PRKN: variants seen among roughly 807,000 people sequenced by gnomAD.
PRKN encodes the protein parkin RBR E3 ubiquitin protein ligase.
A neutral mutation model predicts 59.5 loss-of-function variants in PRKN; 56 were observed. The observed-to-expected ratio is 0.94, with a 90% CI of 0.76 to 1.18. The LOEUF is 1.18. Among genes scored for constraint, PRKN ranks in the 50% most tolerant of loss-of-function variants. The probability of loss-of-function intolerance (pLI) is 0.00; values close to 1 mark genes in which losing one functional copy is unlikely to be tolerated. For synonymous variants in PRKN, 250 were observed against 222.1 expected (o/e 1.13, Z -1.12); for missense variants, 657 against 596.4 (o/e 1.10, Z -1.06).
intron 1 of PRKN, chr6:162,568,500 G>A (rs1018621968): frequency 7.3e-5 from 50 of 687,456 alleles, no homozygotes; most frequent in Admixed American, 2.2e-4. Flanking sequence ...CATCACCGCC[G>A]TTGTGGTCAA....
In PRKN at chr6:161,588,469, T is replaced by C. The variant is rs2128140046; in HGVS notation, c.872-19053A>G. On this transcript the variant is annotated intron_variant, in intron 7 of 11. Coordinates refer to ENST00000366898, the MANE Select transcript of PRKN (RefSeq NM_004562.3). This position sits in a 1 kb window ranked among gnomAD's most constrained non-coding sequence, Gnocchi z 5.0. ...CTGTGCCTCATTCAGTAAAAGGCTA[T>C]GAAGCAATTTAAGGATATTTGCAAC... is the stretch of plus-strand genomic sequence containing the variant. Among the ~76,000 whole-genome samples the C allele has an allele frequency of 6.6e-6, 1 of 152,272 alleles. No individual in the cohort carries two copies. Among genetic ancestry groups the C allele is most frequent in the East Asian group, 1.9e-4 (1 of 5,184 alleles).
chr6:162,616,584 T>C lies in PRKN; in HGVS notation c.7+111078A>G, dbSNP rs768721918. On this transcript the variant is annotated intron_variant, in intron 1 of 11. Transcript: ENST00000366898. ...AGTTTTTACACTGAAACTGTATCCT[T>C]CTTGTATTATAAAGGTGAAATGGTA... Among the ~76,000 whole-genome samples, 6 of 152,316 alleles carry C rather than the reference T, an allele frequency of 3.9e-5. No individual in the cohort carries two copies. The East Asian group carries it at 1.2e-3, about 29-fold the overall frequency.
At position 161,377,555 on chromosome 6, in the gene PRKN, C is replaced by A. The variant is rs886750331; in HGVS notation, c.1167+9239G>T. Among the ~76,000 whole-genome samples the A allele has an allele frequency of 6.6e-6, 1 of 152,164 alleles. No homozygotes were observed. The highest frequency in any genetic ancestry group is 1.5e-5 in the Non-Finnish European group (1 of 68,016). On this transcript the variant is annotated intron_variant, in intron 10 of 11. Transcript: ENST00000366898. The surrounding 1 kb of genome is among the most constrained non-coding windows in gnomAD (Gnocchi z 4.2). ...GGGTTGAAAGAGTGGTGAGGGGAGACCCTGTCAATAAGCAGAGCCTTGGGC... is the reference window on the plus strand; with the variant it reads ...GGGTTGAAAGAGTGGTGAGGGGAGAACCTGTCAATAAGCAGAGCCTTGGGC...
At chr6:161,682,869 GC>G (rs1785420842) in intron 7 of PRKN, among the ~76,000 whole-genome samples, 1 of 152,126 alleles carries the variant, frequency 6.6e-6, no homozygotes, top group African/African-American at 2.4e-5. Flanking sequence ...CCCCAGCAAA[GC>G]CCTGAGCTGC....
intron 6 of PRKN, among the ~76,000 whole-genome samples, chr6:161,928,866 A>G (rs952158140): frequency 6.6e-6 from 1 of 152,162 alleles, no homozygotes; most frequent in Non-Finnish European, 1.5e-5. Flanking sequence ...GACTCATGAG[A>G]GCATTTCTTA....
At chr6:162,314,835 G>A (rs1380466138) in intron 2 of PRKN, among the ~76,000 whole-genome samples, 3 of 152,082 alleles carry the variant, frequency 2.0e-5, no homozygotes, top group African/African-American at 2.4e-5. Context: ...TTCTACTCTT[G>A]CCACACTGTT....
intron 4 of PRKN, among the ~76,000 whole-genome samples, chr6:162,152,067 C>G (rs1363667210): frequency 6.6e-6 from 1 of 152,144 alleles, no homozygotes; most frequent in Non-Finnish European, 1.5e-5. Flanking sequence ...TAACAAAGGT[C>G]ACTTTTTACT....
At chr6:162,298,843 A>C (rs1781813197) in intron 2 of PRKN, among the ~76,000 whole-genome samples, 1 of 152,066 alleles carries the variant, frequency 6.6e-6, no homozygotes, top group South Asian at 2.1e-4. Flanking sequence ...AGCCAGGTGG[A>C]GGAGGGGAGG....
rs930106896 is a variant in PRKN, at chr6:161,360,452, A to G, written c.1168-247T>C. 3.9e-5 allele frequency among the ~76,000 whole-genome samples: 6 copies of G among 152,202 alleles called. No individual in the cohort carries two copies. The highest frequency in any genetic ancestry group is 1.4e-4 in the African/African-American group (6 of 41,454). On this transcript the variant is annotated intron_variant, in intron 10 of 11. Transcript: ENST00000366898. The surrounding 1 kb of genome is among the most constrained non-coding windows in gnomAD (Gnocchi z 5.1). ...TTGGTTTTGTAGTGTGAGCTCCTCT[A>G]TTCTGTTGTTTTGCATAATTGTAAT...
chr6:161,735,669 C>T (rs771859066), intron 7 of PRKN, among the ~76,000 whole-genome samples: 14 of 151,834 alleles, frequency 9.2e-5, no homozygotes, highest in Non-Finnish European at 1.6e-4. Context: ...GTAATCCCAG[C>T]ACCTCGGGAG....
In PRKN at chr6:161,638,045, A is replaced by G. The variant is rs189009677; in HGVS notation, c.872-68629T>C. On this transcript the variant is annotated intron_variant, in intron 7 of 11. Transcript: ENST00000366898. Reference sequence around the variant, plus strand: ...GGGCCAGGGTATTTTTTTTCAGTCCAAGGACAAACAATGCCTCCCACCATC... The same window carrying G: ...GGGCCAGGGTATTTTTTTTCAGTCCGAGGACAAACAATGCCTCCCACCATC... Among the ~76,000 whole-genome samples the G allele has an allele frequency of 3.2e-3, 489 of 152,142 alleles. 5 individuals are homozygous for G. The highest frequency in any genetic ancestry group is 0.011 in the African/African-American group (466 of 41,514).
chr6:162,045,973 T>A (rs1415454032), intron 5 of PRKN, among the ~76,000 whole-genome samples: 1 of 152,236 alleles, frequency 6.6e-6, no homozygotes. Flanking sequence ...GTATTTAATC[T>A]TTCTTTGCTC....
intron 6 of PRKN, among the ~76,000 whole-genome samples, chr6:161,870,629 A>G (rs1253350382): frequency 6.6e-6 from 1 of 152,228 alleles, no homozygotes; most frequent in Admixed American, 6.5e-5. Context: ...TTTTATATTA[A>G]TCACTGAGTA....
chr6:162,388,822 C>T (rs185720351), intron 2 of PRKN, among the ~76,000 whole-genome samples: 71 of 152,228 alleles, frequency 4.7e-4, no homozygotes, highest in African/African-American at 1.7e-3. Flanking sequence ...TGGCACAGAA[C>T]AGACTCAGCC....
intron 1 of PRKN, among the ~76,000 whole-genome samples, chr6:162,584,070 G>T (rs985908318): frequency 1.3e-5 from 2 of 151,988 alleles, no homozygotes; most frequent in African/African-American, 4.8e-5. Context: ...AAAATTAGCC[G>T]GGCGTGGTGG....
At chr6:162,075,021 C>A (rs1045790033) in intron 4 of PRKN, among the ~76,000 whole-genome samples, 1 of 152,132 alleles carries the variant, frequency 6.6e-6, no homozygotes, top group African/African-American at 2.4e-5. Flanking sequence ...GCACTCTTAA[C>A]GGATTTAATT....
Position 162,445,256 on chromosome 6 carries a change from C to T in PRKN, c.8-1783G>A, listed in dbSNP as rs985224978. On this transcript the variant is annotated intron_variant, in intron 1 of 11. Coordinates refer to ENST00000366898, the MANE Select transcript of PRKN (RefSeq NM_004562.3). The stretch of plus-strand genomic sequence containing the variant: ...TATCCTTATTTTACAGAATAATAAA[C>T]GAAGGCACAGGGAATGGGACCCACT... Among the ~76,000 whole-genome samples the T allele has an allele frequency of 4.6e-5, 7 of 152,074 alleles. No individual in the cohort carries two copies. In the South Asian group the frequency reaches 8.3e-4, roughly 18 times the overall value.
In PRKN at chr6:162,621,955, C is replaced by T. The variant is rs1782686320; in HGVS notation, c.7+105707G>A. 2.0e-5 allele frequency among the ~76,000 whole-genome samples: 3 copies of T among 152,120 alleles called. No homozygotes were observed. The South Asian group carries it at 6.2e-4, about 32-fold the overall frequency. On this transcript the variant is annotated intron_variant, in intron 1 of 11. Coordinates refer to ENST00000366898, the MANE Select transcript of PRKN (RefSeq NM_004562.3). Reference sequence around the variant, plus strand: ...TCAGCCTTCCAAGGAGCTGGGACTACAGGTATATGCCACCACGCCTAGCTA... The same window carrying T: ...TCAGCCTTCCAAGGAGCTGGGACTATAGGTATATGCCACCACGCCTAGCTA...
chr6:161,550,721 GTA>G lies in PRKN; in HGVS notation c.934-1720_934-1719del, dbSNP rs1479931166. On this transcript the variant is annotated intron_variant, in intron 8 of 11. Transcript: ENST00000366898. The surrounding 1 kb of genome is among the most constrained non-coding windows in gnomAD (Gnocchi z 4.0). ...GGGGACAACTGTGGTAGAAGAAAGG[GTA>G]TGTGTGTGTGTGCACGTGTGTGTGT... is the stretch of plus-strand genomic sequence containing the variant. Among the ~76,000 whole-genome samples the G allele has an allele frequency of 4.4e-5, 6 of 135,106 alleles. No individual in the cohort carries two copies. The highest frequency in any genetic ancestry group is 1.8e-4 in the African/African-American group (6 of 33,840). 88.6% of individuals were successfully genotyped at this position (135,106 alleles called of 152,430 possible). A position where few individuals can be genotyped will look rare whatever the true frequency, so the allele number is the denominator to read the frequency against.
Sources: gnomAD v4.1 joint callset for allele counts (sites outside exome capture counted in the v4.1 genomes callset) on GRCh38, gnomAD v4.1.1 for gene constraint, Gnocchi (gnomAD v3.1) non-coding constraint, MANE v1.5 for transcripts, NCBI Gene and HGNC (gene_info 2026-07-23, HGNC 2026-07-21) for gene names.